Variants in SMARCAL1 observed in about 807,000 individuals in gnomAD.
SMARCAL1 encodes the protein ATP-driven annealing helicase.
A neutral mutation model predicts 94.5 loss-of-function variants in SMARCAL1; 58 were observed. The observed-to-expected ratio is 0.61, with a 90% CI of 0.50 to 0.76. SMARCAL1 has a LOEUF of 0.76. Among genes scored for constraint, SMARCAL1 ranks in the 30% least tolerant of loss-of-function variants. The pLI, the probability that SMARCAL1 is intolerant of heterozygous loss-of-function variation, is 0.00. For missense variants in SMARCAL1, 1,051 were observed against 1,177.9 expected (o/e 0.89, Z 1.58); for synonymous variants, 422 against 455.1 (o/e 0.93, Z 0.93).
chr2:216,439,335 G>A (rs957635125), intron 10 of SMARCAL1, among the ~76,000 whole-genome samples: 2 of 138,828 alleles, frequency 1.4e-5, no homozygotes, highest in African/African-American at 5.6e-5. Flanking sequence ...GGGGGGGGGG[G>A]ATGATTTTTT....
Position 216,476,759 on chromosome 2 carries a change from G to T in SMARCAL1, c.2428-350G>T, listed in dbSNP as rs75259438. Among the ~76,000 whole-genome samples the T allele has an allele frequency of 0.016, 2,447 of 152,246 alleles. 84 individuals are homozygous for T. The highest frequency in any genetic ancestry group is 0.056 in the African/African-American group (2,324 of 41,518). ...ACAGTGAAGAAATGGAAGTGTGCAG[G>T]CCTCCATCACCAGCCCCTCCCCATG... is the stretch of plus-strand genomic sequence containing the variant. On this transcript the variant is annotated intron_variant, in intron 15 of 17. Transcript: ENST00000357276.
intron 12 of SMARCAL1, chr2:216,451,319 A>G: frequency 2.0e-6 from 1 of 496,768 alleles, no homozygotes; most frequent in Non-Finnish European, 3.7e-6. Flanking sequence ...AGCACAGGCA[A>G]CAGCAGGGTG....
At chr2:216,429,297 G>A (rs1275140829) in intron 7 of SMARCAL1, among the ~76,000 whole-genome samples, 1 of 152,184 alleles carries the variant, frequency 6.6e-6, no homozygotes, top group Non-Finnish European at 1.5e-5. Flanking sequence ...TTGTGGCCTT[G>A]GAGGCTTGAG....
intron 14 of SMARCAL1, among the ~76,000 whole-genome samples, chr2:216,471,658 G>A (rs1465442246): frequency 1.3e-5 from 2 of 152,172 alleles, no homozygotes; most frequent in Non-Finnish European, 2.9e-5. Context: ...CCAGCCCACA[G>A]TGGCTATGAT....
chr2:216,478,184 G>C lies in SMARCAL1; in HGVS notation c.2529-19G>C. ...TTCTGTGCAGGTTGTATTCACTGCAGCTCATTTCTCCCCAACAGGCCCCTG... is the reference window on the plus strand; with the variant it reads ...TTCTGTGCAGGTTGTATTCACTGCACCTCATTTCTCCCCAACAGGCCCCTG... On this transcript the variant is annotated intron_variant, in intron 16 of 17. Transcript: ENST00000357276. 6.2e-7 allele frequency: 1 copy of C among 1,607,470 alleles called. No homozygotes were observed. Among genetic ancestry groups the C allele is most frequent in the Non-Finnish European group, 8.5e-7 (1 of 1,173,986 alleles).
At chr2:216,468,369 G>A (rs1333704013) in intron 14 of SMARCAL1, among the ~76,000 whole-genome samples, 1 of 152,170 alleles carries the variant, frequency 6.6e-6, no homozygotes, top group Non-Finnish European at 1.5e-5. Context: ...CCTTTTGTAT[G>A]GAGACAAGTA....
At chr2:216,468,155 A>G in intron 14 of SMARCAL1, 109 bp downstream of exon 14, 1 of 747,792 alleles carries the variant, frequency 1.3e-6, no homozygotes, top group South Asian at 1.4e-5. Flanking sequence ...TTCCGGAAGC[A>G]TTGCTGAAGA....
chr2:216,469,473 A>C (rs1216767394), intron 14 of SMARCAL1, among the ~76,000 whole-genome samples: 3 of 151,672 alleles, frequency 2.0e-5, no homozygotes, highest in East Asian at 3.9e-4. Context: ...TAGTAGAGAC[A>C]GGGTTTCACC....
At chr2:216,412,827 G>C (rs1693493984) in intron 1 of SMARCAL1, 179 bp downstream of exon 1, 2 of 152,738 alleles carry the variant, frequency 1.3e-5, no homozygotes, top group Non-Finnish European at 2.9e-5. Flanking sequence ...TGCGGGGCGT[G>C]GGGGGCGGGG....
At chr2:216,444,565 G>A (rs1308981372) in intron 10 of SMARCAL1, among the ~76,000 whole-genome samples, 1 of 152,148 alleles carries the variant, frequency 6.6e-6, no homozygotes, top group Non-Finnish European at 1.5e-5. Flanking sequence ...CCAGGCTGGA[G>A]TGCAATGGTA....
At chr2:216,413,645 A>G (rs1222598513) in intron 1 of SMARCAL1, among the ~76,000 whole-genome samples, 3 of 152,044 alleles carry the variant, frequency 2.0e-5, no homozygotes, top group African/African-American at 4.8e-5. Flanking sequence ...CAGTGAACAC[A>G]TAATTTTTTT....
chr2:216,479,358 C>T (rs1186593102), intron 17 of SMARCAL1: 1 of 151,438 alleles, frequency 6.6e-6, no homozygotes, highest in East Asian at 1.9e-4. Context: ...TCACTTGAGC[C>T]TAGGAGGTCA....
intron 10 of SMARCAL1, among the ~76,000 whole-genome samples, chr2:216,441,793 C>CT (rs988179176): frequency 2.6e-5 from 4 of 151,924 alleles, no homozygotes; most frequent in Non-Finnish European, 5.9e-5. Context: ...CAATCAGAGG[C>CT]TTTTTTTTCC....
In SMARCAL1 at chr2:216,475,127, T is replaced by G; in HGVS notation, c.2245-142T>G. 1 of 724,224 alleles carries G rather than the reference T, an allele frequency of 1.4e-6. No individual in the cohort carries two copies. Among genetic ancestry groups the G allele is most frequent in the Admixed American group, 2.5e-5 (1 of 40,786 alleles). The allele number at this position is 724,224 out of a possible 1,614,324, so 44.9% of individuals were successfully genotyped here. On this transcript the variant is annotated intron_variant, in intron 14 of 17. Transcript: ENST00000357276. This position sits in a 1 kb window ranked among gnomAD's most constrained non-coding sequence, Gnocchi z 4.4. ...ATAAGCAGTCATCTCAATACCAATGTCAATTTGAAAAGAAAAGCTCTGAAG... is the reference window on the plus strand; with the variant it reads ...ATAAGCAGTCATCTCAATACCAATGGCAATTTGAAAAGAAAAGCTCTGAAG...
At chr2:216,462,635 G>C (rs189040591) in intron 12 of SMARCAL1, among the ~76,000 whole-genome samples, 1 of 152,218 alleles carries the variant, frequency 6.6e-6, no homozygotes, top group Non-Finnish European at 1.5e-5. Flanking sequence ...CAGCTTCCTG[G>C]GTTCCTCAGC....
At chr2:216,453,170 C>G (rs556204780) in intron 12 of SMARCAL1, among the ~76,000 whole-genome samples, 4 of 152,292 alleles carry the variant, frequency 2.6e-5, no homozygotes, top group South Asian at 4.1e-4. Flanking sequence ...TGTCATTCTT[C>G]AAGAATCCAG....
intron 17 of SMARCAL1, among the ~76,000 whole-genome samples, chr2:216,480,211 A>G (rs1404315779): frequency 1.3e-5 from 2 of 152,208 alleles, no homozygotes; most frequent in African/African-American, 2.4e-5. Context: ...ATCAATAACT[A>G]TATCAATTTA....
intron 5 of SMARCAL1, 47 bp downstream of exon 5, chr2:216,420,579 T>G (rs746066675): frequency 4.1e-6 from 6 of 1,456,556 alleles, no homozygotes; most frequent in Non-Finnish European, 5.8e-6. Flanking sequence ...TAGTGGTCTG[T>G]GATCTCAACA....
At position 216,475,289 on chromosome 2, in the gene SMARCAL1, C is replaced by A. The variant is rs962202326; in HGVS notation, c.2265C>A (p.Ile755=). 1.2e-6 allele frequency: 2 copies of A among 1,614,086 alleles called. No individual in the cohort carries two copies. Among genetic ancestry groups the A allele is most frequent in the African/African-American group, 1.3e-5 (1 of 74,936 alleles). Residue 755 remains isoleucine, a synonymous_variant, in exon 15 of 18, where the codon ATC becomes ATA. Coordinates refer to ENST00000357276, the MANE Select transcript of SMARCAL1 (RefSeq NM_014140.4). This position sits in a 1 kb window ranked among gnomAD's most constrained non-coding sequence, Gnocchi z 4.4. ...LERKHVQHIR[I]DGSTSSAERE... ...TGCAGCACGTGCAGCACATCCGCAT[C>A]GATGGCTCCACCTCATCAGCTGAGC... is the stretch of plus-strand genomic sequence containing the variant.
Sources: allele counts gnomAD v4.1 joint callset (sites outside exome capture counted in the v4.1 genomes callset), GRCh38; gene constraint gnomAD v4.1.1; non-coding constraint Gnocchi (gnomAD v3.1); transcripts MANE v1.5; gene names NCBI Gene and HGNC (gene_info 2026-07-23, HGNC 2026-07-21).